PRRC2B: variants seen among roughly 807,000 people sequenced by gnomAD.
The protein encoded by PRRC2B is proline rich coiled-coil 2B, also known as protein PRRC2B.
PRRC2B carries 68 observed loss-of-function variants against 242.3 expected under a neutral mutation model. That is an observed-to-expected ratio of 0.28 (90% CI 0.23 to 0.34). The LOEUF is 0.34. Among genes scored for constraint, PRRC2B ranks in the 10% least tolerant of loss-of-function variants. The pLI is 1.00. For missense variants in PRRC2B, 2,835 were observed against 2,954.8 expected (o/e 0.96, Z 0.94); for synonymous variants, 1,228 against 1,173.6 (o/e 1.05, Z -0.95).
chr9:131,477,468 C>T (rs1282872066), intron 16 of PRRC2B, among the ~76,000 whole-genome samples: 1 of 152,172 alleles, frequency 6.6e-6, no homozygotes, highest in Non-Finnish European at 1.5e-5. Flanking sequence ...TTCCCCTTGT[C>T]TCTCTCCCCC....
rs558733517 is a variant in PRRC2B, at chr9:131,487,772, C to T, written c.5985-84C>T. The T allele has an allele frequency of 2.4e-5, 37 of 1,521,628 alleles. No individual in the cohort carries two copies. The South Asian group carries it at 4.1e-4, about 17-fold the overall frequency. The allele number at this position is 1,521,628 out of a possible 1,614,324, so 94.3% of individuals were successfully genotyped here. A position where few individuals can be genotyped will look rare whatever the true frequency, so the allele number is the denominator to read the frequency against. On this transcript the variant is annotated intron_variant, in intron 27 of 31. Coordinates refer to ENST00000683519, the MANE Select transcript of PRRC2B (RefSeq NM_013318.4). The surrounding 1 kb of genome is among the most constrained non-coding windows in gnomAD (Gnocchi z 5.3). Reference sequence around the variant, plus strand: ...GGCCGGGGATCTGTGGTTTAGCAAGCTCTCCGGGGATCTCTGAAGGGTGGG... The same window carrying T: ...GGCCGGGGATCTGTGGTTTAGCAAGTTCTCCGGGGATCTCTGAAGGGTGGG...
In PRRC2B at chr9:131,482,495, G is replaced by T. The variant is rs1353659085; in HGVS notation, c.5108G>T (p.Gly1703Val). Reference protein sequence around the residue: ...YGTLKPEEMSGPGLAEPKADS... With the variant: ...YGTLKPEEMSVPGLAEPKADS... ...ACTCTGAAGCCAGAGGAGATGAGCG[G>T]GCCCGGCCTGGCGGAACCCAAGGCC... is the stretch of plus-strand genomic sequence containing the variant. The change falls in exon 21 of 32, where the codon GGG becomes GTG. Residue 1703 changes from glycine (G) to valine (V), a missense_variant. Transcript: ENST00000683519. The surrounding 1 kb of genome is among the most constrained non-coding windows in gnomAD (Gnocchi z 5.2). 1 of 1,611,554 alleles carries T rather than the reference G, an allele frequency of 6.2e-7. No homozygotes were observed. The highest frequency in any genetic ancestry group is 1.3e-5 in the African/African-American group (1 of 74,932).
At chr9:131,389,238 C>G (rs1174407727), upstream of PRRC2B, among the ~76,000 whole-genome samples, 1 of 148,916 alleles carries the variant, frequency 6.7e-6, no homozygotes, top group African/African-American at 2.4e-5. Flanking sequence ...CCACAACCTC[C>G]GCTTCCCTGG....
chr9:131,384,286 G>A (rs1251609725), intron 1 of PRRC2B, among the ~76,000 whole-genome samples: 1 of 151,080 alleles, frequency 6.6e-6, no homozygotes, highest in Non-Finnish European at 1.5e-5. Flanking sequence ...ATGTATGTAT[G>A]TATGTATTTT....
Position 131,481,791 on chromosome 9 carries a change from G to A in PRRC2B, c.4966G>A (p.Glu1656Lys), listed in dbSNP as rs1279600867. 7 of 1,560,996 alleles carry A rather than the reference G, an allele frequency of 4.5e-6. No individual in the cohort carries two copies. Among genetic ancestry groups the A allele is most frequent in the Non-Finnish European group, 5.2e-6 (6 of 1,154,724 alleles). The change falls in exon 20 of 32, where the codon GAG becomes AAG. Residue 1656 changes from glutamate to lysine, a missense_variant. Physicochemically the swap from Glu to Lys is moderately conservative, Grantham distance 56 (BLOSUM62 1). This residue lies in a region of PRRC2B where 38 missense variants were observed against 73.3 expected (regional missense o/e 0.52). Coordinates refer to ENST00000683519, the MANE Select transcript of PRRC2B (RefSeq NM_013318.4). ...AGCTGTCACTGCCTTCAGCAGCACC[G>A]AGACTGGCTCTGCGGAGGTGAGTGT... ...RKAVTAFSST[E>K]TGSAEQGFKS...
chr9:131,407,551 T>C (rs1211144031), intron 1 of PRRC2B, among the ~76,000 whole-genome samples: 2 of 152,198 alleles, frequency 1.3e-5, no homozygotes, highest in Non-Finnish European at 2.9e-5. Flanking sequence ...CGCCGGCGAT[T>C]GTCCTGGGTT....
rs189947321 is a variant in PRRC2B, at chr9:131,495,747, A to G, written c.6563A>G (p.Gln2188Arg). ...CCATTCATCTGTCCAAAGGCAAAACAACGAGTGGATGAGAAACCCAGCCTG... is the reference window on the plus strand; with the variant it reads ...CCATTCATCTGTCCAAAGGCAAAACGACGAGTGGATGAGAAACCCAGCCTG... Reference protein sequence around the residue: ...VQGHYVQQAKQRVDEKPSLGA... With the variant: ...VQGHYVQQAKRRVDEKPSLGA... Residue 2188 changes from glutamine to arginine, a missense_variant, in exon 32 of 32, where the codon CAA (glutamine) becomes CGA (arginine). This residue lies in a region of PRRC2B where 574 missense variants were observed against 626.0 expected (regional missense o/e 0.92). Coordinates refer to ENST00000683519, the MANE Select transcript of PRRC2B (RefSeq NM_013318.4). 108 of 1,611,092 alleles carry G rather than the reference A, an allele frequency of 6.7e-5. No individual in the cohort carries two copies. The highest frequency in any genetic ancestry group is 8.2e-5 in the Non-Finnish European group (96 of 1,177,480).
intron 1 of PRRC2B, among the ~76,000 whole-genome samples, chr9:131,412,794 TC>T (rs1431733602): frequency 8.4e-5 from 9 of 107,396 alleles, no homozygotes; most frequent in South Asian, 4.1e-4. Flanking sequence ...ATTCTCTCTC[TC>T]TCTTTTTTTT....
chr9:131,465,504 G>T (rs1371713799), intron 12 of PRRC2B, among the ~76,000 whole-genome samples: 1 of 152,096 alleles, frequency 6.6e-6, no homozygotes, highest in Non-Finnish European at 1.5e-5. Context: ...GCACGCGGAG[G>T]GGTGTACAGC....
rs1336767788 is a variant in PRRC2B at position 131,476,476 on chromosome 9, T to G, written c.4347T>G (p.Gly1449=). The change falls in exon 16 of 32, where the codon GGT becomes GGG. Residue 1449 remains glycine, a synonymous_variant. Transcript: ENST00000683519. ...GFGEKPVRPG[G]GDTSPRYESQ... is the part of the protein sequence containing the mutation. The stretch of plus-strand genomic sequence containing the variant: ...GGGAGAAGCCCGTTAGGCCAGGTGG[T>G]GGTGACACCTCCCCTCGCTATGAGA... 3.7e-6 allele frequency: 6 copies of G among 1,612,160 alleles called. No individual in the cohort carries two copies. The highest frequency in any genetic ancestry group is 5.1e-6 in the Non-Finnish European group (6 of 1,178,962).
chr9:131,445,812 C>A lies in PRRC2B; in HGVS notation c.614-589C>A, dbSNP rs147230166. Among the ~76,000 whole-genome samples the A allele has an allele frequency of 2.3e-3, 348 of 152,314 alleles. 3 individuals carry two copies. The highest frequency in any genetic ancestry group is 7.7e-3 in the African/African-American group (320 of 41,548). Reference sequence around the variant, plus strand: ...CTCTAATAATTTCCACCCGATCTTACCACATTTGGCAATAGAAAGCATCAT... The same window carrying A: ...CTCTAATAATTTCCACCCGATCTTAACACATTTGGCAATAGAAAGCATCAT... On this transcript the variant is annotated intron_variant, in intron 6 of 31. Coordinates refer to ENST00000683519, the MANE Select transcript of PRRC2B (RefSeq NM_013318.4).
intron 5 of PRRC2B, among the ~76,000 whole-genome samples, chr9:131,442,520 G>A (rs975269141): frequency 2.6e-5 from 4 of 152,162 alleles, no homozygotes; most frequent in Admixed American, 6.5e-5. Context: ...CTTACCGTCA[G>A]GTTTATTTGA....
chr9:131,491,360 T>G, intron 28 of PRRC2B, 65 bp from the exon 29 acceptor site: 1 of 1,470,868 alleles, frequency 6.8e-7, no homozygotes. Flanking sequence ...GCGGTCGCTC[T>G]TTGGTGCGTT....
At chr9:131,481,831 T>G in intron 20 of PRRC2B, 23 bp downstream of exon 20, 1 of 1,540,342 alleles carries the variant, frequency 6.5e-7, no homozygotes, top group South Asian at 1.2e-5. Flanking sequence ...GCTGCCCACA[T>G]GCTGCCCCTG....
In PRRC2B at chr9:131,432,525, C is replaced by T; in HGVS notation, c.116-92C>T. On this transcript the variant is annotated intron_variant, in intron 2 of 31. Transcript: ENST00000683519. The stretch of plus-strand genomic sequence containing the variant: ...TGTTGGGTTAGCTTTGTTATGATCA[C>T]TTAGAGATTGAAAGAACAGCTGAAT... The T allele has an allele frequency of 3.2e-6, 4 of 1,250,276 alleles. No individual in the cohort carries two copies. In the East Asian group the frequency reaches 9.4e-5, roughly 29 times the overall value. 77.4% of individuals were successfully genotyped at this position (1,250,276 alleles called of 1,614,324 possible). A position where few individuals can be genotyped will look rare whatever the true frequency, so the allele number is the denominator to read the frequency against.
chr9:131,384,845 G>A (rs923767630), intron 1 of PRRC2B, among the ~76,000 whole-genome samples: 1 of 152,120 alleles, frequency 6.6e-6, no homozygotes, highest in Non-Finnish European at 1.5e-5. Context: ...GTGAGCCACC[G>A]CGCCTGGTCG....
chr9:131,455,232 G>A (rs1943038810), intron 10 of PRRC2B, 66 bp downstream of exon 10: 1 of 1,139,838 alleles, frequency 8.8e-7, no homozygotes, highest in African/African-American at 1.6e-5. Context: ...TGTACCCAGA[G>A]CATTTCCCAG....
chr9:131,386,527 C>T (rs1836827597), intron 1 of PRRC2B, among the ~76,000 whole-genome samples: 1 of 150,174 alleles, frequency 6.7e-6, no homozygotes, highest in Admixed American at 7.0e-5. Flanking sequence ...CTTGACTTTC[C>T]CCCCTTAATA....
Position 131,496,342 on chromosome 9 carries a change from A to T in PRRC2B, c.*468A>T, listed in dbSNP as rs1944334239. ...CAAAGGGGAAAGGAAAAGAAAACAAAAACGCAAGCTCCATGTGTATAGCTG... is the reference window on the plus strand; with the variant it reads ...CAAAGGGGAAAGGAAAAGAAAACAATAACGCAAGCTCCATGTGTATAGCTG... On this transcript the variant is annotated 3_prime_UTR_variant, in exon 32 of 32. Coordinates refer to ENST00000683519, the MANE Select transcript of PRRC2B (RefSeq NM_013318.4). 1 of 159,310 alleles carries T rather than the reference A, an allele frequency of 6.3e-6. No individual in the cohort carries two copies. Among genetic ancestry groups the T allele is most frequent in the African/African-American group, 2.4e-5 (1 of 41,584 alleles). The allele number at this position is 159,310 out of a possible 1,614,324, so 9.9% of individuals were successfully genotyped here.
Sources: gnomAD v4.1 joint callset for allele counts (sites outside exome capture counted in the v4.1 genomes callset) on GRCh38, gnomAD v4.1.1 for gene constraint, gnomAD v4.1.1 regional missense constraint, Gnocchi (gnomAD v3.1) non-coding constraint, MANE v1.5 for transcripts, NCBI Gene and HGNC (gene_info 2026-07-23, HGNC 2026-07-21) for gene names.